The following HIVEP1 variants were observed in gnomAD, a reference collection of about 807,000 sequenced individuals.
The protein encoded by HIVEP1 is zinc finger protein 40.
Under a neutral mutation model 180.0 loss-of-function variants are expected in HIVEP1, and 36 were observed. The ratio of observed to expected loss-of-function variants is 0.20; its 90% CI spans 0.15 to 0.26. HIVEP1 has a LOEUF of 0.26. HIVEP1 is among the 10% of genes least tolerant of loss of function. The pLI is 1.00. For missense variants in HIVEP1, 3,143 were observed against 3,268.7 expected (o/e 0.96, Z 0.94); for synonymous variants, 1,239 against 1,239.0 (o/e 1.00, Z 0.00).
intron 2 of HIVEP1, among the ~76,000 whole-genome samples, chr6:12,030,053 T>C (rs997775102): frequency 7.9e-5 from 12 of 152,198 alleles, no homozygotes; most frequent in Non-Finnish European, 1.3e-4. Context: ...GAAGCATAAT[T>C]TTCTGGATAT....
intron 2 of HIVEP1, among the ~76,000 whole-genome samples, chr6:12,016,023 GT>G (rs5874359): frequency 0.43 from 65,107 of 151,186 alleles, 16,226 homozygotes; most frequent in Non-Finnish European, 0.56. Flanking sequence ...AGAATTTTAT[GT>G]TTTTTTTTCA....
rs1760611123 is a variant in HIVEP1 at position 12,164,265 on chromosome 6, A to G, written c.7961A>G (p.Gln2654Arg). The G allele has an allele frequency of 6.2e-7, 1 of 1,614,082 alleles. No homozygotes were observed. The highest frequency in any genetic ancestry group is 8.5e-7 in the Non-Finnish European group (1 of 1,180,018). Residue 2654 changes from glutamine to arginine, a missense_variant, in exon 9 of 9, where the codon CAG becomes CGG. This residue lies in a region of HIVEP1 where 595 missense variants were observed against 602.2 expected (regional missense o/e 0.99). Coordinates refer to ENST00000379388, the MANE Select transcript of HIVEP1 (RefSeq NM_002114.4). ...CCCAAGCCTGAACTCACTTCCATAC[A>G]GGGCCAACCAGCGTCCACGTCACAA... ...VKPKPELTSIQGQPASTSQPL... is the reference protein window; with the variant it reads ...VKPKPELTSIRGQPASTSQPL...
chr6:12,127,640 G>C (rs1194960680), intron 4 of HIVEP1, among the ~76,000 whole-genome samples: 2 of 152,102 alleles, frequency 1.3e-5, no homozygotes, highest in Non-Finnish European at 2.9e-5. Flanking sequence ...GATTGCTCAG[G>C]GTATAAAGAA....
At chr6:12,194,118 T>C in the HIVEP1 span, among the ~76,000 whole-genome samples, 1 of 152,170 alleles carries the variant, frequency 6.6e-6, no homozygotes, top group African/African-American at 2.4e-5. Flanking sequence ...GCAAAGTATA[T>C]CATTAATGAT....
intron 7 of HIVEP1, among the ~76,000 whole-genome samples, chr6:12,139,310 G>T (rs1206106326): frequency 6.6e-6 from 1 of 152,122 alleles, no homozygotes; most frequent in Non-Finnish European, 1.5e-5. Context: ...GCAGGCCCCT[G>T]TCTCAGGGAC....
chr6:12,125,214 C>T lies in HIVEP1; in HGVS notation c.5419C>T (p.Pro1807Ser), dbSNP rs2113538404. ...ILVRQVCTTE[P>S]LDGVMLEKDV... ...AGTGAGACAGGTTTGTACTACAGAG[C>T]CCCTGGACGGTGTGATGTTGGAAAA... The change falls in exon 4 of 9, where the codon CCC becomes TCC. Residue 1807 changes from proline to serine, a missense_variant. Coordinates refer to ENST00000379388, the MANE Select transcript of HIVEP1 (RefSeq NM_002114.4). The T allele has an allele frequency of 6.2e-7, 1 of 1,614,088 alleles. No homozygotes were observed. Among genetic ancestry groups the T allele is most frequent in the Non-Finnish European group, 8.5e-7 (1 of 1,180,016 alleles).
intron 6 of HIVEP1, among the ~76,000 whole-genome samples, chr6:12,133,454 T>C (rs1188279318): frequency 2.0e-5 from 3 of 152,198 alleles, no homozygotes; most frequent in East Asian, 3.8e-4. Context: ...GTTTATAAAA[T>C]TGCTAGGAGA....
At chr6:12,009,329 T>G (rs77090747), upstream of HIVEP1, among the ~76,000 whole-genome samples, 5 of 152,120 alleles carry the variant, frequency 3.3e-5, no homozygotes, top group East Asian at 9.7e-4. Flanking sequence ...CTCTCCAAAC[T>G]GTTCGCCAAG....
chr6:12,124,480 T>G lies in HIVEP1; in HGVS notation c.4685T>G (p.Leu1562Trp). 6.2e-7 allele frequency: 1 copy of G among 1,614,186 alleles called. No individual in the cohort carries two copies. Among genetic ancestry groups the G allele is most frequent in the Non-Finnish European group, 8.5e-7 (1 of 1,180,032 alleles). Residue 1562 changes from leucine (L) to tryptophan (W), a missense_variant, in exon 4 of 9, where the codon TTG becomes TGG. Physicochemically the swap from Leu to Trp is moderately conservative, Grantham distance 61. This residue lies in a region of HIVEP1 where 1,357 missense variants were observed against 1,260.5 expected (regional missense o/e 1.08). Coordinates refer to ENST00000379388, the MANE Select transcript of HIVEP1 (RefSeq NM_002114.4). ...SEDCFAPKYQ[L>W]HCQVFTSGPS... Reference sequence around the variant, plus strand: ...GATTGCTTTGCTCCCAAATACCAATTGCATTGTCAGGTTTTCACTTCAGGC... The same window carrying G: ...GATTGCTTTGCTCCCAAATACCAATGGCATTGTCAGGTTTTCACTTCAGGC...
chr6:12,071,717 T>A (rs1353553130), intron 2 of HIVEP1, among the ~76,000 whole-genome samples: 2 of 152,222 alleles, frequency 1.3e-5, no homozygotes, highest in Non-Finnish European at 2.9e-5. Context: ...TAAAAAATAA[T>A]CATTTCAGCC....
chr6:12,025,945 C>T (rs899175949), intron 2 of HIVEP1, among the ~76,000 whole-genome samples: 3 of 151,764 alleles, frequency 2.0e-5, no homozygotes, highest in African/African-American at 7.3e-5. Flanking sequence ...GAGGCTAAGG[C>T]AGGAGAATCG....
At chr6:12,026,977 C>T (rs1319188734) in intron 2 of HIVEP1, among the ~76,000 whole-genome samples, 2 of 152,184 alleles carry the variant, frequency 1.3e-5, no homozygotes, top group African/African-American at 4.8e-5. Flanking sequence ...TAAATCCTGA[C>T]TAAATCCAAT....
intron 2 of HIVEP1, among the ~76,000 whole-genome samples, chr6:12,017,315 G>A (rs568477841): frequency 2.6e-4 from 40 of 152,278 alleles, no homozygotes; most frequent in Admixed American, 5.9e-4. Context: ...TAAAGGTAGC[G>A]TGTCCACAGG....
Position 12,164,552 on chromosome 6 carries a change from T to G in HIVEP1, c.*91T>G, listed in dbSNP as rs1368300526. ...TTCCTTAAAGCACATTTTTCTGACA[T>G]AAACTCATGACTAATCTTTGTGCAA... On this transcript the variant is annotated 3_prime_UTR_variant, in exon 9 of 9. Transcript: ENST00000379388. The G allele has an allele frequency of 2.1e-6, 2 of 970,598 alleles. No individual in the cohort carries two copies. Among genetic ancestry groups the G allele is most frequent in the Non-Finnish European group, 3.0e-6 (2 of 672,446 alleles). The allele number at this position is 970,598 out of a possible 1,614,324, so 60.1% of individuals were successfully genotyped here. A position where few individuals can be genotyped will look rare whatever the true frequency, so the allele number is the denominator to read the frequency against.
At chr6:12,041,550 TC>T in intron 2 of HIVEP1, among the ~76,000 whole-genome samples, 1 of 150,476 alleles carries the variant, frequency 6.6e-6, no homozygotes, top group Admixed American at 6.6e-5. Flanking sequence ...GGTGTAGACA[TC>T]CTTCATGTCC....
chr6:12,169,921 C>G (rs531337992), downstream of HIVEP1, among the ~76,000 whole-genome samples: 3 of 151,994 alleles, frequency 2.0e-5, no homozygotes, highest in Non-Finnish European at 4.4e-5. Context: ...GAGATAGAGA[C>G]CATCCTGGCT....
chr6:12,037,759 G>A (rs992870209), intron 2 of HIVEP1: 18 of 445,020 alleles, frequency 4.0e-5, no homozygotes, highest in Non-Finnish European at 7.3e-5. Flanking sequence ...GGAGTGCAGT[G>A]GTGTAGTTGT....
intron 2 of HIVEP1, among the ~76,000 whole-genome samples, chr6:12,017,054 T>C (rs752347767): frequency 4.6e-5 from 7 of 152,226 alleles, no homozygotes; most frequent in African/African-American, 1.7e-4. Flanking sequence ...GCATGATTGA[T>C]CTGAAGGTGT....
chr6:12,173,547 T>C, the HIVEP1 span, among the ~76,000 whole-genome samples: 1 of 152,186 alleles, frequency 6.6e-6, no homozygotes, highest in East Asian at 1.9e-4. Flanking sequence ...TATAAGGCAA[T>C]AGAGGTCCCT....
Sources: allele counts gnomAD v4.1 joint callset (sites outside exome capture counted in the v4.1 genomes callset), GRCh38; gene constraint gnomAD v4.1.1; regional missense constraint gnomAD v4.1.1; transcripts MANE v1.5; gene names NCBI Gene and HGNC (gene_info 2026-07-23, HGNC 2026-07-21).